Variants in CACNB4 observed in about 807,000 individuals in gnomAD.
CACNB4 encodes calcium voltage-gated channel auxiliary subunit beta 4, also known as voltage-dependent L-type calcium channel subunit beta-4.
CACNB4 carries 32 observed loss-of-function variants against 71.2 expected under a neutral mutation model. The observed-to-expected ratio is 0.45, with a 90% confidence interval of 0.34 to 0.60. The LOEUF (loss-of-function observed/expected upper bound fraction) is 0.60. Ranked by LOEUF, CACNB4 falls within the 20% of genes least tolerant of loss-of-function variation. The pLI, the probability that CACNB4 is intolerant of heterozygous loss-of-function variation, is 0.01. For missense variants in CACNB4, 464 were observed against 647.9 expected (o/e 0.72, Z 3.08); for synonymous variants, 231 against 236.9 (o/e 0.97, Z 0.23).
At chr2:152,057,867 C>A (rs1480638956) in intron 2 of CACNB4, among the ~76,000 whole-genome samples, 1 of 152,140 alleles carries the variant, frequency 6.6e-6, no homozygotes, top group Non-Finnish European at 1.5e-5. Flanking sequence ...TACAACTTAC[C>A]ATGATGTTTG....
At chr2:151,941,600 AG>A (rs1316226902) in intron 2 of CACNB4, among the ~76,000 whole-genome samples, 1 of 151,752 alleles carries the variant, frequency 6.6e-6, no homozygotes, top group African/African-American at 2.4e-5. Flanking sequence ...ATTTTTGAAA[AG>A]GGAAAAAAAA....
chr2:152,034,542 G>A (rs543933352), intron 2 of CACNB4, among the ~76,000 whole-genome samples: 22 of 152,308 alleles, frequency 1.4e-4, no homozygotes, highest in African/African-American at 4.6e-4. Context: ...ATGGGCAAGC[G>A]GCTTCCCTTG....
chr2:151,883,013 G>A (rs2099848364), intron 3 of CACNB4: 2 of 493,668 alleles, frequency 4.1e-6, no homozygotes, highest in Admixed American at 3.3e-5. Flanking sequence ...TAAGTTGGAA[G>A]ACGACCAATA....
chr2:151,889,280 C>A (rs2099850148), intron 2 of CACNB4, among the ~76,000 whole-genome samples: 1 of 151,720 alleles, frequency 6.6e-6, no homozygotes, highest in African/African-American at 2.4e-5. Context: ...ACCAGCCTGG[C>A]CAATGTGGTG....
At chr2:151,902,032 C>CTTTTT (rs70974804) in intron 2 of CACNB4, among the ~76,000 whole-genome samples, 3 of 130,228 alleles carry the variant, frequency 2.3e-5, no homozygotes, top group Non-Finnish European at 4.7e-5. Context: ...ACAACATCAC[C>CTTTTT]TTTTTTTTTT....
intron 2 of CACNB4, among the ~76,000 whole-genome samples, chr2:151,954,850 C>CTTTTTTTTTTTTT (rs34054917): frequency 1.1e-5 from 1 of 94,924 alleles, no homozygotes; most frequent in Non-Finnish European, 1.9e-5. Flanking sequence ...CAAGTCAGCA[C>CTTTTTTTTTTTTT]TTTTTTTTTT....
chr2:152,022,178 A>G (rs990688690), intron 2 of CACNB4, among the ~76,000 whole-genome samples: 3 of 152,230 alleles, frequency 2.0e-5, no homozygotes, highest in Non-Finnish European at 4.4e-5. Context: ...CCACCTCTGC[A>G]TCATCTTCAA....
intron 2 of CACNB4, among the ~76,000 whole-genome samples, chr2:152,034,145 T>C (rs965864280): frequency 2.6e-5 from 4 of 152,220 alleles, no homozygotes; most frequent in Non-Finnish European, 5.9e-5. Flanking sequence ...TCGGAGTGGC[T>C]TTCTCCTCAT....
chr2:152,088,301 T>C (rs1006333775), intron 2 of CACNB4, among the ~76,000 whole-genome samples: 2 of 152,120 alleles, frequency 1.3e-5, no homozygotes, highest in African/African-American at 4.8e-5. Flanking sequence ...CATTGGGCCA[T>C]TTAAGAAGAA....
chr2:151,876,759 GTATAC>G (rs1372638234), intron 4 of CACNB4, among the ~76,000 whole-genome samples: 6 of 36,280 alleles, frequency 1.7e-4, no homozygotes, highest in East Asian at 1.0e-3. Flanking sequence ...GTATATGTGT[GTATAC>G]TATATTTTAT....
chr2:152,049,696 C>A (rs76380974), intron 2 of CACNB4, among the ~76,000 whole-genome samples: 1 of 152,112 alleles, frequency 6.6e-6, no homozygotes, highest in Non-Finnish European at 1.5e-5. Context: ...CTATAATATC[C>A]GAATCTACAG....
intron 2 of CACNB4, among the ~76,000 whole-genome samples, chr2:151,997,370 TA>T (rs1682111219): frequency 6.6e-6 from 1 of 152,008 alleles, no homozygotes; most frequent in African/African-American, 2.4e-5. Context: ...CCGTCTCTAC[TA>T]AAAATACAAA....
chr2:151,996,084 G>A (rs1321747977), intron 2 of CACNB4, among the ~76,000 whole-genome samples: 1 of 152,174 alleles, frequency 6.6e-6, no homozygotes, highest in Non-Finnish European at 1.5e-5. Flanking sequence ...ACCAGACATG[G>A]TAATCCTTCA....
At chr2:152,078,305 G>A (rs767661144) in intron 2 of CACNB4, among the ~76,000 whole-genome samples, 5 of 152,056 alleles carry the variant, frequency 3.3e-5, no homozygotes, top group African/African-American at 9.7e-5. Context: ...CTGGGAGGGC[G>A]GTCCACACAG....
chr2:152,086,486 A>G (rs11895924), intron 2 of CACNB4, among the ~76,000 whole-genome samples: 23,810 of 152,190 alleles, frequency 0.16, 2,558 homozygotes, highest in East Asian at 0.56. Context: ...CATAGAGAGT[A>G]CAGTTTTATA....
At chr2:152,036,381 C>A (rs970014747) in intron 2 of CACNB4, among the ~76,000 whole-genome samples, 1 of 152,198 alleles carries the variant, frequency 6.6e-6, no homozygotes, top group Non-Finnish European at 1.5e-5. Context: ...CTCACTGCAA[C>A]CTCTGCTTTC....
At chr2:151,842,979 A>AACCACATGGCAGTGGTTTCTGCT in intron 12 of CACNB4, among the ~76,000 whole-genome samples, 1 of 152,250 alleles carries the variant, frequency 6.6e-6, no homozygotes, top group Non-Finnish European at 1.5e-5. Flanking sequence ...AATAACAGAA[A>AACCACATGGCAGTGGTTTCTGCT]ACCACATGGC....
chr2:151,887,659 C>G (rs962904304), intron 2 of CACNB4, among the ~76,000 whole-genome samples: 1 of 152,152 alleles, frequency 6.6e-6, no homozygotes, highest in Non-Finnish European at 1.5e-5. Context: ...TGGATCCAGA[C>G]AGTATTAGGT....
At chr2:151,976,909 C>G (rs932844762) in intron 2 of CACNB4, among the ~76,000 whole-genome samples, 1 of 152,154 alleles carries the variant, frequency 6.6e-6, no homozygotes, top group Non-Finnish European at 1.5e-5. Context: ...TTCCTAGGGC[C>G]AAATTTCACA....
Sources: gnomAD v4.1 joint callset for allele counts (sites outside exome capture counted in the v4.1 genomes callset) on GRCh38, gnomAD v4.1.1 for gene constraint, MANE v1.5 for transcripts, NCBI Gene and HGNC (gene_info 2026-07-23, HGNC 2026-07-21) for gene names.